ZNF425: variants seen among roughly 807,000 people sequenced by gnomAD.
ZNF425 encodes the protein zinc finger protein 425.
A neutral mutation model predicts 17.0 loss-of-function variants in ZNF425; 21 were observed. The ratio of observed to expected loss-of-function variants is 1.23; its 90% CI spans 0.88 to 1.78. ZNF425 has a LOEUF of 1.78. Among genes scored for constraint, ZNF425 ranks in the 40% most tolerant of loss-of-function variants. The pLI is 0.00. For synonymous variants in ZNF425, 433 were observed against 384.1 expected, an observed-to-expected ratio of 1.13 and a Z score of -1.49; for missense variants, 868 against 967.3, an observed-to-expected ratio of 0.90 and a Z score of 1.36.
At chr7:149,106,977 T>C (rs1826091210) in intron 3 of ZNF425, among the ~76,000 whole-genome samples, 1 of 151,798 alleles carries the variant, frequency 6.6e-6, no homozygotes, top group African/African-American at 2.4e-5. Context: ...TGTGGTTATG[T>C]GCGCCTGTAG....
chr7:149,104,454 C>T lies in ZNF425; in HGVS notation c.1417G>A (p.Ala473Thr), dbSNP rs759078810. The T allele has an allele frequency of 1.2e-6, 2 of 1,600,222 alleles. No homozygotes were observed. The highest frequency in any genetic ancestry group is 2.7e-5 in the African/African-American group (2 of 74,558). Residue 473 changes from alanine to threonine, a missense_variant, in exon 4 of 4, where the codon GCC (alanine) becomes ACC (threonine). By Grantham distance (58) the Ala-to-Thr change is moderately conservative. Around this residue, in one of 5 missense-constraint regions of ZNF425, gnomAD observed 437 missense variants for 444.2 expected, o/e 0.98. Transcript: ENST00000378061. The surrounding 1 kb of genome is among the most constrained non-coding windows in gnomAD (Gnocchi z 4.3). The stretch of plus-strand genomic sequence containing the variant: ...CGCGTGAAGCGCTTGCCGCACTCGG[C>T]GCAGGGGAAGGGCTTTTGCTCGCTG... ...LHSEQKPFPC[A>T]ECGKRFTRPS...
At position 149,105,468 on chromosome 7, in the gene ZNF425, T is replaced by G; in HGVS notation, c.403A>C (p.Ile135Leu). The change falls in exon 4 of 4, where the codon ATT (isoleucine) becomes CTT (leucine). Residue 135 changes from isoleucine (I) to leucine (L), a missense_variant. By Grantham distance (5) the Ile-to-Leu change is conservative. Coordinates refer to ENST00000378061, the MANE Select transcript of ZNF425 (RefSeq NM_001001661.3). ...AAGGTGGCTGTTTGAGCTAATAAAA[T>G]CTTTCTCTCTTTCCCTCGTAAGGCA... ...CAALRGKERK[I>L]LLAQTATFQS... 6.6e-7 allele frequency: 1 copy of G among 1,526,694 alleles called. No individual in the cohort carries two copies. Among genetic ancestry groups the G allele is most frequent in the Non-Finnish European group, 8.8e-7 (1 of 1,141,874 alleles). 94.6% of individuals were successfully genotyped at this position (1,526,694 alleles called of 1,614,324 possible). A position where few individuals can be genotyped will look rare whatever the true frequency, so the allele number is the denominator to read the frequency against.
In ZNF425 at chr7:149,117,642, C is replaced by CTTTTTTTTTTTTTTTT. The variant is rs869026303; in HGVS notation, c.145+564_145+579dup. 3.6e-5 allele frequency among the ~76,000 whole-genome samples: 2 copies of CTTTTTTTTTTTTTTTT among 54,984 alleles called. 1 individual carries two copies. The highest frequency in any genetic ancestry group is 1.5e-4 in the African/African-American group (2 of 13,118). 36.1% of individuals were successfully genotyped at this position (54,984 alleles called of 152,430 possible). Reference sequence around the variant, plus strand: ...GGGGCAATTAGATTACTTAGTAATTCTTTTTTTTTTTTTTTTTTTTTTTTT... The same window carrying CTTTTTTTTTTTTTTTT: ...GGGGCAATTAGATTACTTAGTAATTCTTTTTTTTTTTTTTTTTTTTTTTTTTTTTTTTTTTTTTTTT... On this transcript the variant is annotated intron_variant, in intron 2 of 3. Coordinates refer to ENST00000378061, the MANE Select transcript of ZNF425 (RefSeq NM_001001661.3).
At chr7:149,125,943 C>A (rs1289964042) in intron 1 of ZNF425, 20 of 692,500 alleles carry the variant, frequency 2.9e-5, no homozygotes, top group Non-Finnish European at 4.4e-5. Context: ...CCGCCTCAGC[C>A]TTCCGAGTGG....
rs1419814066 is a variant in ZNF425 at position 149,105,128 on chromosome 7, C to A, written c.743G>T (p.Cys248Phe). The A allele has an allele frequency of 1.9e-6, 3 of 1,614,234 alleles. No homozygotes were observed. Among genetic ancestry groups the A allele is most frequent in the Non-Finnish European group, 2.5e-6 (3 of 1,180,046 alleles). ...RLLCQKKRFQ[C>F]SECEKSYFLK... ...GAAGTAGCTCTTCTCACACTCACTG[C>A]ACTGGAACCGCTTCTTCTGACACAG... The change falls in exon 4 of 4, where the codon TGC becomes TTC. Residue 248 changes from cysteine (C) to phenylalanine (F), a missense_variant. Transcript: ENST00000378061.
chr7:149,115,598 G>A (rs1826252333), intron 2 of ZNF425, among the ~76,000 whole-genome samples: 1 of 151,490 alleles, frequency 6.6e-6, no homozygotes, highest in African/African-American at 2.4e-5. Flanking sequence ...GCTGAGGCAG[G>A]AGAATAGCTT....
intron 1 of ZNF425, among the ~76,000 whole-genome samples, chr7:149,120,737 A>G (rs1174111075): frequency 6.6e-6 from 1 of 152,216 alleles, no homozygotes; most frequent in Non-Finnish European, 1.5e-5. Context: ...TTGCACAACC[A>G]CAAAATTGCC....
intron 1 of ZNF425, among the ~76,000 whole-genome samples, chr7:149,124,278 C>A (rs1326116838): frequency 6.6e-6 from 1 of 151,226 alleles, no homozygotes; most frequent in East Asian, 2.0e-4. Flanking sequence ...GCCTCAGCCT[C>A]CCAAGTAGCT....
chr7:149,110,545 G>C (rs550179396), intron 3 of ZNF425, among the ~76,000 whole-genome samples: 14 of 147,560 alleles, frequency 9.5e-5, no homozygotes, highest in Non-Finnish European at 2.1e-4. Flanking sequence ...CAGCCTCATC[G>C]ACAGAGTGAG....
chr7:149,107,583 C>T (rs957937548), intron 3 of ZNF425, among the ~76,000 whole-genome samples: 7 of 151,860 alleles, frequency 4.6e-5, no homozygotes, highest in Admixed American at 3.3e-4. Context: ...GTGATCTGCC[C>T]GCCTTGGCTT....
intron 2 of ZNF425, among the ~76,000 whole-genome samples, chr7:149,114,931 C>CTTTTTTTTT (rs35954198): frequency 3.0e-3 from 306 of 100,984 alleles, no homozygotes; most frequent in Non-Finnish European, 4.5e-3. Flanking sequence ...TCTTTCTTTT[C>CTTTTTTTTT]TTTTTTTTTT....
In ZNF425 at chr7:149,118,328, A is replaced by G. The variant is rs1478526822; in HGVS notation, c.39T>C (p.Asp13=). ...CTTGTTCCGAAAAATATAAGGCCAC[A>G]TCATCAAATGTCACAGTTACCTGGA... ...EPASVTVTFD[D]VALYFSEQEW... The change falls in exon 2 of 4, where the codon GAT becomes GAC. Residue 13 remains aspartate, a synonymous_variant. Coordinates refer to ENST00000378061, the MANE Select transcript of ZNF425 (RefSeq NM_001001661.3). 1.2e-6 allele frequency: 2 copies of G among 1,614,198 alleles called. No individual in the cohort carries two copies. Among genetic ancestry groups the G allele is most frequent in the South Asian group, 2.2e-5 (2 of 91,090 alleles).
chr7:149,113,882 G>GTGTA (rs1430671403), intron 2 of ZNF425, among the ~76,000 whole-genome samples: 1 of 151,714 alleles, frequency 6.6e-6, no homozygotes, highest in African/African-American at 2.4e-5. Flanking sequence ...AGGTGCGGTG[G>GTGTA]TGTATGCCTG....
rs952257561 is a variant in ZNF425, at chr7:149,104,308, G to C, written c.1563C>G (p.Thr521=). Residue 521 remains threonine (T), a synonymous_variant, in exon 4 of 4, where the codon ACC becomes ACG. Coordinates refer to ENST00000378061, the MANE Select transcript of ZNF425 (RefSeq NM_001001661.3). This position sits in a 1 kb window ranked among gnomAD's most constrained non-coding sequence, Gnocchi z 4.3. The stretch of plus-strand genomic sequence containing the variant: ...CGGCGCAGGAGAACGGCTTTTCCGT[G>C]GTGTGGACCTTCAGGTGCTGCGTGA... ...SRLTQHLKVH[T]TEKPFSCAEC... 6.2e-7 allele frequency: 1 copy of C among 1,613,540 alleles called. No homozygotes were observed.
In ZNF425 at chr7:149,104,731, G is replaced by C. The variant is rs368373727; in HGVS notation, c.1140C>G (p.His380Gln). ...CACAAGAAAACGGCTTTTCCTCGCT[G>C]TGCGTCCTCTGGTGGGTCTTCAGGG... ...KAALKTHQRT[H>Q]SEEKPFSCGE... Residue 380 changes from histidine (H) to glutamine (Q), a missense_variant, in exon 4 of 4, where the codon CAC becomes CAG. Coordinates refer to ENST00000378061, the MANE Select transcript of ZNF425 (RefSeq NM_001001661.3). This position sits in a 1 kb window ranked among gnomAD's most constrained non-coding sequence, Gnocchi z 4.3. The C allele has an allele frequency of 1.9e-6, 3 of 1,613,316 alleles. No individual in the cohort carries two copies.
Position 149,104,138 on chromosome 7 carries a change from T to C in ZNF425, c.1733A>G (p.Asp578Gly). The change falls in exon 4 of 4, where the codon GAC (aspartate) becomes GGC (glycine). Residue 578 changes from aspartate to glycine, a missense_variant. Around this residue, in one of 5 missense-constraint regions of ZNF425, gnomAD observed 437 missense variants for 444.2 expected, o/e 0.98. Coordinates refer to ENST00000378061, the MANE Select transcript of ZNF425 (RefSeq NM_001001661.3). This position sits in a 1 kb window ranked among gnomAD's most constrained non-coding sequence, Gnocchi z 4.3. ...SMKFHQRMHR[D>G]EKPFACGECD... The stretch of plus-strand genomic sequence containing the variant: ...CTCACCGCACGCGAAGGGCTTCTCG[T>C]CCCTGTGCATCCGCTGGTGGAACTT... The C allele has an allele frequency of 6.2e-7, 1 of 1,612,008 alleles. No homozygotes were observed. The highest frequency in any genetic ancestry group is 8.5e-7 in the Non-Finnish European group (1 of 1,179,594).
chr7:149,118,851 T>C (rs1826307642), intron 1 of ZNF425, among the ~76,000 whole-genome samples: 1 of 152,048 alleles, frequency 6.6e-6, no homozygotes, highest in African/African-American at 2.4e-5. Context: ...AATGAATGAA[T>C]AGCAGGCCTT....
chr7:149,118,127 T>C, intron 2 of ZNF425, 95 bp downstream of exon 2: 1 of 1,383,940 alleles, frequency 7.2e-7, no homozygotes. Flanking sequence ...CTGGGCACAG[T>C]ATCATATTCA....
intron 3 of ZNF425, among the ~76,000 whole-genome samples, chr7:149,105,884 C>T (rs891095596): frequency 6.6e-6 from 1 of 151,648 alleles, no homozygotes; most frequent in East Asian, 1.9e-4. Context: ...GATCCACTGC[C>T]TCGGCCTCCC....
Sources: gnomAD v4.1 joint callset for allele counts (sites outside exome capture counted in the v4.1 genomes callset) on GRCh38, gnomAD v4.1.1 for gene constraint, gnomAD v4.1.1 regional missense constraint, Gnocchi (gnomAD v3.1) non-coding constraint, MANE v1.5 for transcripts, NCBI Gene and HGNC (gene_info 2026-07-23, HGNC 2026-07-21) for gene names.